Variants in STXBP4 observed in about 807,000 individuals in gnomAD.
STXBP4 encodes syntaxin binding protein 4.
A neutral mutation model predicts 76.1 loss-of-function variants in STXBP4; 55 were observed. The observed-to-expected ratio is 0.72, with a 90% confidence interval of 0.58 to 0.91. The LOEUF is 0.91. Ranked by LOEUF, STXBP4 falls within the 40% of genes least tolerant of loss-of-function variation. The pLI is 0.00. For synonymous variants in STXBP4, 201 were observed against 220.2 expected, an observed-to-expected ratio of 0.91 and a Z score of 0.77; for missense variants, 618 against 636.9, an observed-to-expected ratio of 0.97 and a Z score of 0.32.
intron 8 of STXBP4, among the ~76,000 whole-genome samples, chr17:55,025,768 C>T (rs1281196058): frequency 2.0e-5 from 3 of 152,058 alleles, no homozygotes; most frequent in African/African-American, 4.8e-5. Flanking sequence ...TTTTATGTTG[C>T]GTTGGAGGTT....
chr17:55,203,875 G>T, the STXBP4 span, among the ~76,000 whole-genome samples: 2 of 151,812 alleles, frequency 1.3e-5, no homozygotes, highest in Non-Finnish European at 2.9e-5. Flanking sequence ...CTGGTTTTAA[G>T]ATTTTTCTCT....
At chr17:55,030,192 G>C (rs2078481441) in intron 8 of STXBP4, among the ~76,000 whole-genome samples, 1 of 152,162 alleles carries the variant, frequency 6.6e-6, no homozygotes, top group Admixed American at 6.5e-5. Context: ...GGCTGCCGTG[G>C]AGGTTTCAGA....
At chr17:55,179,778 A>G in the STXBP4 span, among the ~76,000 whole-genome samples, 3 of 152,202 alleles carry the variant, frequency 2.0e-5, no homozygotes, top group Admixed American at 6.5e-5. Context: ...TTGTAAGAAT[A>G]TAGTATAAAC....
At chr17:55,006,315 A>G (rs1461249172) in intron 7 of STXBP4, among the ~76,000 whole-genome samples, 1 of 152,186 alleles carries the variant, frequency 6.6e-6, no homozygotes, top group African/African-American at 2.4e-5. Flanking sequence ...TGTTCTTAAG[A>G]GAATGCAAAT....
At position 54,997,614 on chromosome 17, in the gene STXBP4, A is replaced by ATATATT. The variant is rs1567710058; in HGVS notation, c.181-1730_181-1729insATATTT. Among the ~76,000 whole-genome samples, 419 of 145,612 alleles carry ATATATT rather than the reference A, an allele frequency of 2.9e-3. 8 individuals are homozygous for ATATATT. The highest frequency in any genetic ancestry group is 0.023 in the East Asian group (118 of 5,058). The stretch of plus-strand genomic sequence containing the variant: ...TTTTATATATTTTATATATATATAT[A>ATATATT]TTTTTTTTGAGACAGATTTTTGCTT... On this transcript the variant is annotated intron_variant, in intron 4 of 17. Transcript: ENST00000376352.
the STXBP4 span, among the ~76,000 whole-genome samples, chr17:55,199,200 A>G: frequency 6.6e-6 from 1 of 152,236 alleles, no homozygotes. Flanking sequence ...AGATGAATCA[A>G]ATGTCCAATT....
the STXBP4 span, among the ~76,000 whole-genome samples, chr17:55,201,636 G>A: frequency 6.6e-6 from 1 of 152,144 alleles, no homozygotes; most frequent in Non-Finnish European, 1.5e-5. Context: ...TACATTCCAG[G>A]AAAGAAGTCC....
chr17:55,194,049 T>G, the STXBP4 span, among the ~76,000 whole-genome samples: 1 of 152,206 alleles, frequency 6.6e-6, no homozygotes, highest in East Asian at 1.9e-4. Flanking sequence ...TATTGCATGG[T>G]GCTTCTGATG....
chr17:55,066,195 GTTGTTTTGTTTTGTTTTGTTTTGTT>G, intron 12 of STXBP4, among the ~76,000 whole-genome samples: 1 of 148,968 alleles, frequency 6.7e-6, no homozygotes, highest in East Asian at 2.0e-4. Flanking sequence ...TGTGGGTTTT[GTTGTTTTGTTTTGTTTTGTTTTGTT>G]TTGTTTTGTT....
chr17:55,086,948 A>G (rs1678145778), intron 16 of STXBP4, among the ~76,000 whole-genome samples: 1 of 152,108 alleles, frequency 6.6e-6, no homozygotes, highest in African/African-American at 2.4e-5. Flanking sequence ...TTTTGATAAT[A>G]GTCATCTTAA....
the STXBP4 span, among the ~76,000 whole-genome samples, chr17:55,196,477 C>A: frequency 6.6e-6 from 1 of 152,218 alleles, no homozygotes; most frequent in Non-Finnish European, 1.5e-5. Context: ...ACTTGTTGAG[C>A]TTTCATTCAC....
the STXBP4 span, among the ~76,000 whole-genome samples, chr17:55,184,125 C>T: frequency 1.3e-5 from 2 of 152,064 alleles, no homozygotes; most frequent in African/African-American, 4.8e-5. Context: ...GAAATCACCT[C>T]ATCTGACAAA....
At chr17:55,011,455 A>G (rs895932389) in intron 8 of STXBP4, among the ~76,000 whole-genome samples, 3 of 149,786 alleles carry the variant, frequency 2.0e-5, no homozygotes, top group Non-Finnish European at 4.4e-5. Context: ...GTATTTTTCA[A>G]AAATTTTCAG....
At chr17:55,208,225 G>A in the STXBP4 span, among the ~76,000 whole-genome samples, 1 of 151,854 alleles carries the variant, frequency 6.6e-6, no homozygotes, top group Non-Finnish European at 1.5e-5. Context: ...GAAATCCATG[G>A]CAATTTAATC....
At chr17:55,211,085 C>T in the STXBP4 span, among the ~76,000 whole-genome samples, 3 of 151,584 alleles carry the variant, frequency 2.0e-5, no homozygotes, top group Non-Finnish European at 4.4e-5. Flanking sequence ...GGACTTTTAT[C>T]GTGAAATGCC....
intron 10 of STXBP4, among the ~76,000 whole-genome samples, chr17:55,039,237 T>C (rs1022439639): frequency 7.9e-5 from 12 of 152,094 alleles, no homozygotes; most frequent in Non-Finnish European, 5.9e-5. Flanking sequence ...TTTGAGTAAA[T>C]TTTGAGGGAT....
chr17:55,065,137 G>T (rs2079036044), intron 12 of STXBP4, among the ~76,000 whole-genome samples: 1 of 152,122 alleles, frequency 6.6e-6, no homozygotes, highest in Non-Finnish European at 1.5e-5. Context: ...TTAGGTAAAT[G>T]ACTGTTTTAT....
rs1435250661 is a variant in STXBP4 at position 55,160,874 on chromosome 17, G to A, written c.*963G>A. The A allele has an allele frequency of 6.6e-6, 1 of 152,272 alleles. No individual in the cohort carries two copies. Among genetic ancestry groups the A allele is most frequent in the Non-Finnish European group, 1.5e-5 (1 of 68,102 alleles). The allele number at this position is 152,272 out of a possible 1,614,324, so 9.4% of individuals were successfully genotyped here. A position where few individuals can be genotyped will look rare whatever the true frequency, so the allele number is the denominator to read the frequency against. On this transcript the variant is annotated 3_prime_UTR_variant, in exon 18 of 18. Transcript: ENST00000376352. ...TTCAGCAGACTTCTTTCAGCAGCTC[G>A]TGTTTTTCTAAAGTGAAAGGCATGG... is the stretch of plus-strand genomic sequence containing the variant.
chr17:55,020,523 T>A (rs1056706864), intron 8 of STXBP4, among the ~76,000 whole-genome samples: 10 of 152,182 alleles, frequency 6.6e-5, no homozygotes, highest in African/African-American at 7.2e-5. Flanking sequence ...AAATTTTTTT[T>A]AATTATACTT....
Sources: gnomAD v4.1 joint callset for allele counts (sites outside exome capture counted in the v4.1 genomes callset) on GRCh38, gnomAD v4.1.1 for gene constraint, MANE v1.5 for transcripts, NCBI Gene and HGNC (gene_info 2026-07-23, HGNC 2026-07-21) for gene names.